The following NFIA variants were observed in gnomAD, a reference collection of about 807,000 sequenced individuals.
NFIA encodes the protein nuclear factor I A, also known as nuclear factor 1 A-type.
NFIA carries 8 observed loss-of-function variants against 62.8 expected under a neutral mutation model. That is an observed-to-expected ratio of 0.13 (90% CI 0.07 to 0.23). NFIA has a LOEUF of 0.23. Among genes scored for constraint, NFIA ranks in the 10% least tolerant of loss-of-function variants. The probability of loss-of-function intolerance (pLI) is 1.00; values close to 1 mark genes in which losing one functional copy is unlikely to be tolerated. For missense variants in NFIA, 410 were observed against 642.1 expected, an observed-to-expected ratio of 0.64 and a Z score of 3.91; for synonymous variants, 235 against 238.1, an observed-to-expected ratio of 0.99 and a Z score of 0.12.
At chr1:61,219,868 C>G (rs142629567) in intron 2 of NFIA, among the ~76,000 whole-genome samples, 7,550 of 152,214 alleles carry the variant, frequency 0.05, 266 homozygotes, top group Non-Finnish European at 0.071. Flanking sequence ...GAGGCTGAGG[C>G]AGGAGAATCA....
intron 4 of NFIA, among the ~76,000 whole-genome samples, chr1:61,341,598 C>A (rs1661917772): frequency 6.6e-6 from 1 of 152,150 alleles, no homozygotes; most frequent in Non-Finnish European, 1.5e-5. Context: ...CCACCTCAGC[C>A]TTCCCAGTAG....
chr1:61,457,707 T>C lies in NFIA; in HGVS notation c.*2387T>C, dbSNP rs1030140157. ...TTTAGGTGTTTGTCTTTGTACTTTT[T>C]TGTGATTTTTGAATGCACGTGCGCA... On this transcript the variant is annotated 3_prime_UTR_variant, in exon 11 of 11. Coordinates refer to ENST00000403491, the MANE Select transcript of NFIA (RefSeq NM_001134673.4). This position sits in a 1 kb window ranked among gnomAD's most constrained non-coding sequence, Gnocchi z 4.2. 2 of 152,198 alleles carry C rather than the reference T, an allele frequency of 1.3e-5. No individual in the cohort carries two copies. The highest frequency in any genetic ancestry group is 2.4e-5 in the African/African-American group (1 of 41,466). The allele number at this position is 152,198 out of a possible 1,614,324, so 9.4% of individuals were successfully genotyped here. A position where few individuals can be genotyped will look rare whatever the true frequency, so the allele number is the denominator to read the frequency against.
chr1:61,127,461 T>G (rs1315522150), intron 2 of NFIA, among the ~76,000 whole-genome samples: 1 of 141,830 alleles, frequency 7.1e-6, no homozygotes, highest in Non-Finnish European at 1.6e-5. Flanking sequence ...GATTCCATAT[T>G]AAAAAAAAAA....
intron 7 of NFIA, among the ~76,000 whole-genome samples, chr1:61,384,786 C>T (rs931720396): frequency 2.6e-5 from 4 of 152,070 alleles, no homozygotes; most frequent in Non-Finnish European, 5.9e-5. Context: ...AAAGTTCCTG[C>T]AGGAGCTCAG....
At chr1:61,391,455 CA>C (rs1311984091) in intron 7 of NFIA, among the ~76,000 whole-genome samples, 1 of 146,144 alleles carries the variant, frequency 6.8e-6, no homozygotes, top group Non-Finnish European at 1.5e-5. Flanking sequence ...CACACACACA[CA>C]CACACACACA....
At chr1:61,244,063 T>C (rs1413029164) in intron 2 of NFIA, among the ~76,000 whole-genome samples, 1 of 152,220 alleles carries the variant, frequency 6.6e-6, no homozygotes, top group Non-Finnish European at 1.5e-5. Flanking sequence ...ATGGGGTGTA[T>C]GTGTATGCTG....
chr1:61,112,073 A>AT (rs1646702399), intron 2 of NFIA, among the ~76,000 whole-genome samples: 1 of 152,068 alleles, frequency 6.6e-6, no homozygotes, highest in African/African-American at 2.4e-5. Flanking sequence ...TGAAGTCAAA[A>AT]CAACAAAGAA....
chr1:61,168,223 A>C (rs1232575000), intron 2 of NFIA, among the ~76,000 whole-genome samples: 1 of 152,174 alleles, frequency 6.6e-6, no homozygotes, highest in Non-Finnish European at 1.5e-5. Flanking sequence ...CAATAGTGCA[A>C]AGACCAGTTG....
chr1:61,449,802 T>C (rs1263890764), intron 10 of NFIA, among the ~76,000 whole-genome samples: 1 of 152,086 alleles, frequency 6.6e-6, no homozygotes, highest in East Asian at 1.9e-4. Context: ...GCAAGAAAAA[T>C]GATTACAGAG....
chr1:61,166,958 G>A (rs552038775), intron 2 of NFIA, among the ~76,000 whole-genome samples: 4 of 152,080 alleles, frequency 2.6e-5, no homozygotes, highest in South Asian at 4.1e-4. Context: ...TGGCTAACAC[G>A]GTGAAACCCC....
At position 61,357,514 on chromosome 1, in the gene NFIA, C is replaced by CCTT. The variant is rs141339072; in HGVS notation, c.819-1631_819-1629dup. ...TAGAGCAGCCCTGCCTCTGCCCTTTCCTTCATTCTTCCCTGTCTCCTTGAC... is the reference window on the plus strand; with the variant it reads ...TAGAGCAGCCCTGCCTCTGCCCTTTCCTTCTTCATTCTTCCCTGTCTCCTTGAC... On this transcript the variant is annotated intron_variant, in intron 5 of 10. Transcript: ENST00000403491. 1.6e-3 allele frequency among the ~76,000 whole-genome samples: 250 copies of CCTT among 152,282 alleles called. 10 individuals are homozygous for CCTT. In the South Asian group the frequency reaches 0.038, roughly 23 times the overall value.
At chr1:61,118,021 T>TA (rs1197584522) in intron 2 of NFIA, among the ~76,000 whole-genome samples, 2 of 151,642 alleles carry the variant, frequency 1.3e-5, no homozygotes, top group African/African-American at 2.4e-5. Flanking sequence ...CCATCTCTAC[T>TA]AAAAATACAA....
chr1:61,081,872 G>A (rs553688269), upstream of NFIA: 5 of 1,541,212 alleles, frequency 3.2e-6, no homozygotes, highest in Admixed American at 5.9e-5. Flanking sequence ...ACAATGCTTT[G>A]AGCCTTACCG....
In NFIA at chr1:61,122,103, G is replaced by A. The variant is rs1470619203; in HGVS notation, c.559+33423G>A. Among the ~76,000 whole-genome samples the A allele has an allele frequency of 2.0e-5, 3 of 152,150 alleles. No individual in the cohort carries two copies. The East Asian group carries it at 5.8e-4, about 29-fold the overall frequency. On this transcript the variant is annotated intron_variant, in intron 2 of 10. Transcript: ENST00000403491. ...GTATATTTTGTGATTGTGAATGGGA[G>A]TTTTCCATATTTAAAAGTTAAGTTT... is the stretch of plus-strand genomic sequence containing the variant.
chr1:61,186,403 T>C (rs1188409486), intron 2 of NFIA, among the ~76,000 whole-genome samples: 1 of 152,240 alleles, frequency 6.6e-6, no homozygotes, highest in Non-Finnish European at 1.5e-5. Context: ...TTATTTTTGC[T>C]GCCACTGCTA....
intron 3 of NFIA, among the ~76,000 whole-genome samples, chr1:61,289,382 T>C (rs899006132): frequency 2.6e-5 from 4 of 152,134 alleles, no homozygotes; most frequent in Non-Finnish European, 5.9e-5. Context: ...TATAATCCTA[T>C]GGAGGTAGGT....
chr1:61,319,646 A>C (rs1022750084), intron 3 of NFIA, among the ~76,000 whole-genome samples: 6 of 152,120 alleles, frequency 3.9e-5, no homozygotes, highest in Non-Finnish European at 7.4e-5. Context: ...TAACTTAAAG[A>C]TATTTTGTCT....
chr1:61,199,624 G>A (rs993340614), intron 2 of NFIA, among the ~76,000 whole-genome samples: 4 of 151,920 alleles, frequency 2.6e-5, no homozygotes, highest in Non-Finnish European at 4.4e-5. Context: ...CCTTCTAATC[G>A]TAGCTTCATA....
intron 4 of NFIA, among the ~76,000 whole-genome samples, chr1:61,333,381 T>C (rs1661414211): frequency 1.3e-5 from 2 of 152,178 alleles, no homozygotes; most frequent in East Asian, 1.9e-4. Flanking sequence ...GCTTGCAAGA[T>C]TGACTGAGTA....
Sources: gnomAD v4.1 joint callset for allele counts (sites outside exome capture counted in the v4.1 genomes callset) on GRCh38, gnomAD v4.1.1 for gene constraint, Gnocchi (gnomAD v3.1) non-coding constraint, MANE v1.5 for transcripts, NCBI Gene and HGNC (gene_info 2026-07-23, HGNC 2026-07-21) for gene names.